ZNF804B: variants seen among roughly 807,000 people sequenced by gnomAD.
ZNF804B encodes zinc finger 804B.
ZNF804B carries 80 observed loss-of-function variants against 101.4 expected under a neutral mutation model. That is an observed-to-expected ratio of 0.79 (90% CI 0.66 to 0.95). The LOEUF is 0.95. ZNF804B is among the 40% of genes least tolerant of loss of function. ZNF804B has a pLI of 0.00. For missense variants in ZNF804B, 1,673 were observed against 1,561.9 expected, an observed-to-expected ratio of 1.07 and a Z score of -1.20; for synonymous variants, 622 against 558.8, an observed-to-expected ratio of 1.11 and a Z score of -1.59.
intron 1 of ZNF804B, among the ~76,000 whole-genome samples, chr7:88,847,039 A>G (rs1460876277): frequency 6.6e-6 from 1 of 152,034 alleles, no homozygotes; most frequent in Non-Finnish European, 1.5e-5. Context: ...GAAATGGAAA[A>G]CAATCCTTTG....
intron 1 of ZNF804B, among the ~76,000 whole-genome samples, chr7:88,950,004 C>T (rs1793193310): frequency 6.6e-6 from 1 of 151,906 alleles, no homozygotes; most frequent in Non-Finnish European, 1.5e-5. Flanking sequence ...TGTTATTAAG[C>T]AATGCATGAC....
intron 1 of ZNF804B, among the ~76,000 whole-genome samples, chr7:88,816,326 G>A (rs916299936): frequency 2.6e-5 from 4 of 152,046 alleles, no homozygotes; most frequent in Admixed American, 2.6e-4. Context: ...GCATGGGCAG[G>A]GACTTCGTGT....
Position 89,154,939 on chromosome 7 carries a change from G to A in ZNF804B, c.109-63216G>A, listed in dbSNP as rs151172530. ...TAACACAAAGGATAAATGCTTGAGA[G>A]GATGGATACCCATTTCCCATGATGC... On this transcript the variant is annotated intron_variant, in intron 1 of 3. Coordinates refer to ENST00000333190, the MANE Select transcript of ZNF804B (RefSeq NM_181646.5). Among the ~76,000 whole-genome samples the A allele has an allele frequency of 1.9e-3, 284 of 151,850 alleles. 6 individuals carry two copies. In the East Asian group the frequency reaches 0.046, roughly 25 times the overall value.
At chr7:89,308,636 A>G (rs1222506181) in intron 2 of ZNF804B, among the ~76,000 whole-genome samples, 1 of 152,204 alleles carries the variant, frequency 6.6e-6, no homozygotes, top group Non-Finnish European at 1.5e-5. Flanking sequence ...AAATTCTCCC[A>G]TAAGGTATAC....
chr7:89,000,785 C>T (rs1384036850), intron 1 of ZNF804B, among the ~76,000 whole-genome samples: 1 of 106,270 alleles, frequency 9.4e-6, no homozygotes, highest in East Asian at 2.2e-4. Context: ...TCACATTTCA[C>T]TCATGTTGTT....
rs373748731 is a variant in ZNF804B at position 89,072,647 on chromosome 7, CT to C, written c.109-145507del. The stretch of plus-strand genomic sequence containing the variant: ...ATTCTATGCAAAATGAATAAAGGGC[CT>C]CCAAATAAAGGAAGAAATTCAGGAG... On this transcript the variant is annotated intron_variant, in intron 1 of 3. Transcript: ENST00000333190. Among the ~76,000 whole-genome samples, 71 of 152,004 alleles carry C rather than the reference CT, an allele frequency of 4.7e-4. No individual in the cohort carries two copies. The East Asian group carries it at 0.013, about 27-fold the overall frequency.
At chr7:88,974,530 T>G (rs968463296) in intron 1 of ZNF804B, among the ~76,000 whole-genome samples, 1 of 151,216 alleles carries the variant, frequency 6.6e-6, no homozygotes, top group Non-Finnish European at 1.5e-5. Flanking sequence ...TTTTAAAAAA[T>G]CAATATTGAT....
chr7:89,051,802 C>A (rs1789209971), intron 1 of ZNF804B, among the ~76,000 whole-genome samples: 1 of 152,128 alleles, frequency 6.6e-6, no homozygotes, highest in South Asian at 2.1e-4. Context: ...AGACTACCTG[C>A]CTTCAAATCC....
At chr7:89,156,061 T>TTTTC (rs1562899745) in intron 1 of ZNF804B, among the ~76,000 whole-genome samples, 1 of 77,078 alleles carries the variant, frequency 1.3e-5, no homozygotes, top group Non-Finnish European at 3.1e-5. Flanking sequence ...TCTTTCTTTC[T>TTTTC]TTCTTTCTTT....
chr7:88,966,146 G>C (rs1793450513), intron 1 of ZNF804B, among the ~76,000 whole-genome samples: 1 of 151,298 alleles, frequency 6.6e-6, no homozygotes, highest in Non-Finnish European at 1.5e-5. Flanking sequence ...TGTTTTGAAG[G>C]AATTCTTTAT....
At chr7:88,821,828 C>A (rs953844584) in intron 1 of ZNF804B, among the ~76,000 whole-genome samples, 2 of 152,126 alleles carry the variant, frequency 1.3e-5, no homozygotes, top group African/African-American at 4.8e-5. Context: ...ATTTTTATTA[C>A]TGTTCTAGTA....
chr7:89,154,553 T>A (rs1377325140), intron 1 of ZNF804B, among the ~76,000 whole-genome samples: 2 of 152,100 alleles, frequency 1.3e-5, no homozygotes, highest in Non-Finnish European at 2.9e-5. Context: ...GATCCTGTCA[T>A]TTGCAACAAC....
In ZNF804B at chr7:88,919,129, G is replaced by T. The variant is rs2115993145; in HGVS notation, c.108+159045G>T. Among the ~76,000 whole-genome samples the T allele has an allele frequency of 1.3e-5, 2 of 152,152 alleles. 1 individual carries two copies. Among genetic ancestry groups the T allele is most frequent in the Admixed American group, 1.3e-4 (2 of 15,266 alleles). Reference sequence around the variant, plus strand: ...TATATGTTTAGATATAACCAAGGAGGCATCATTATAAACCATATTTCTAGA... The same window carrying T: ...TATATGTTTAGATATAACCAAGGAGTCATCATTATAAACCATATTTCTAGA... On this transcript the variant is annotated intron_variant, in intron 1 of 3. Transcript: ENST00000333190.
intron 2 of ZNF804B, among the ~76,000 whole-genome samples, chr7:89,262,258 C>G (rs1363229418): frequency 1.3e-5 from 2 of 152,138 alleles, no homozygotes; most frequent in Non-Finnish European, 2.9e-5. Flanking sequence ...AGGGAAGTTT[C>G]ATGTCTTTCG....
intron 1 of ZNF804B, among the ~76,000 whole-genome samples, chr7:89,010,782 GA>G (rs1788444541): frequency 6.6e-6 from 1 of 152,214 alleles, no homozygotes; most frequent in South Asian, 2.1e-4. Flanking sequence ...TTTCAAACCA[GA>G]ATCTAAGGCT....
At chr7:89,219,964 C>A (rs897063301) in intron 2 of ZNF804B, among the ~76,000 whole-genome samples, 1 of 85,246 alleles carries the variant, frequency 1.2e-5, no homozygotes, top group Non-Finnish European at 2.3e-5. Flanking sequence ...TATATGTGTG[C>A]ATATATATGT....
intron 1 of ZNF804B, among the ~76,000 whole-genome samples, chr7:88,844,620 A>G (rs187908666): frequency 3.5e-4 from 54 of 152,324 alleles, no homozygotes; most frequent in Middle Eastern, 3.4e-3. Context: ...ACAATGTCCA[A>G]TTGTCCCATT....
chr7:88,817,199 A>G (rs4728781), intron 1 of ZNF804B, among the ~76,000 whole-genome samples: 58,457 of 151,852 alleles, frequency 0.38, 11,698 homozygotes, highest in East Asian at 0.56. Context: ...CATGGACACA[A>G]GAAGGGGAAC....
intron 1 of ZNF804B, among the ~76,000 whole-genome samples, chr7:89,094,547 TA>T (rs1208997231): frequency 1.3e-5 from 2 of 151,608 alleles, no homozygotes; most frequent in African/African-American, 2.4e-5. Flanking sequence ...CTCACTTTTT[TA>T]AAAAAAAATC....
Sources: allele counts gnomAD v4.1 joint callset (sites outside exome capture counted in the v4.1 genomes callset), GRCh38; gene constraint gnomAD v4.1.1; transcripts MANE v1.5; gene names NCBI Gene and HGNC (gene_info 2026-07-23, HGNC 2026-07-21).